The following TAFA2 variants were observed in gnomAD, a reference collection of about 807,000 sequenced individuals.
TAFA2 encodes the protein TAFA chemokine like family member 2.
TAFA2 carries 7 observed loss-of-function variants against 18.8 expected under a neutral mutation model. The observed-to-expected ratio is 0.37, with a 90% CI of 0.21 to 0.70. The LOEUF (loss-of-function observed/expected upper bound fraction) is 0.70. Among genes scored for constraint, TAFA2 ranks in the 30% least tolerant of loss-of-function variants. The probability of loss-of-function intolerance (pLI) is 0.53; values close to 1 mark genes in which losing one functional copy is unlikely to be tolerated. For synonymous variants in TAFA2, 60 were observed against 54.2 expected (o/e 1.11, Z -0.47); for missense variants, 122 against 158.1 (o/e 0.77, Z 1.23).
intron 4 of TAFA2, among the ~76,000 whole-genome samples, chr12:61,749,272 C>CA (rs1042280439): frequency 1.3e-5 from 2 of 151,690 alleles, no homozygotes; most frequent in African/African-American, 2.4e-5. Context: ...GACTTTGTCT[C>CA]AAAAAAAGGA....
intron 1 of TAFA2, among the ~76,000 whole-genome samples, chr12:61,902,737 T>C (rs1876161925): frequency 1.3e-5 from 2 of 152,192 alleles, no homozygotes; most frequent in Non-Finnish European, 2.9e-5. Context: ...ATCCTATCTG[T>C]GCCAAACCTG....
intron 2 of TAFA2, among the ~76,000 whole-genome samples, chr12:61,849,671 C>T (rs1468287821): frequency 5.9e-5 from 9 of 152,084 alleles, no homozygotes; most frequent in East Asian, 1.9e-4. Flanking sequence ...TCAAACAGTA[C>T]GTTTTAGTGA....
At chr12:61,879,599 G>A (rs1322280867) in intron 1 of TAFA2, 2 of 773,186 alleles carry the variant, frequency 2.6e-6, no homozygotes, top group Non-Finnish European at 2.3e-6. Flanking sequence ...CCCAGGAGAA[G>A]GAGCAGATCA....
At chr12:62,216,195 C>A (rs935866126) in intron 1 of TAFA2, among the ~76,000 whole-genome samples, 1 of 152,116 alleles carries the variant, frequency 6.6e-6, no homozygotes, top group Non-Finnish European at 1.5e-5. Context: ...AATTGCGGGT[C>A]CACACACCTA....
At chr12:61,746,433 C>A (rs1158397369) in intron 4 of TAFA2, among the ~76,000 whole-genome samples, 1 of 152,066 alleles carries the variant, frequency 6.6e-6, no homozygotes, top group Admixed American at 6.6e-5. Context: ...GAAACAGTCA[C>A]CTCAGTCCTA....
intron 1 of TAFA2, among the ~76,000 whole-genome samples, chr12:61,939,620 C>T (rs1261621744): frequency 6.6e-6 from 1 of 152,122 alleles, no homozygotes; most frequent in African/African-American, 2.4e-5. Context: ...TCTCTGTCTA[C>T]TTCATATGCT....
intron 1 of TAFA2, among the ~76,000 whole-genome samples, chr12:61,919,929 A>C (rs1393913542): frequency 6.6e-6 from 1 of 152,138 alleles, no homozygotes; most frequent in East Asian, 1.9e-4. Context: ...TCGTCAGTAT[A>C]ATATCTTAAA....
intron 1 of TAFA2, among the ~76,000 whole-genome samples, chr12:61,964,566 C>T (rs1029264621): frequency 6.6e-6 from 1 of 151,788 alleles, no homozygotes; most frequent in Non-Finnish European, 1.5e-5. Context: ...CTGCCCCAGG[C>T]TCCCTCGATA....
At chr12:62,250,792 ACTTCCC>A (rs2062909499) in intron 1 of TAFA2, among the ~76,000 whole-genome samples, 2 of 152,162 alleles carry the variant, frequency 1.3e-5, no homozygotes, top group African/African-American at 2.4e-5. Flanking sequence ...GAAGGAATGT[ACTTCCC>A]TGATATTAAT....
intron 1 of TAFA2, among the ~76,000 whole-genome samples, chr12:61,952,119 T>C (rs1293776459): frequency 2.0e-5 from 3 of 152,102 alleles, no homozygotes; most frequent in African/African-American, 2.4e-5. Flanking sequence ...TGCACACATA[T>C]ATAGTCCCAG....
At chr12:62,143,506 C>T (rs1406916676) in intron 1 of TAFA2, among the ~76,000 whole-genome samples, 1 of 152,150 alleles carries the variant, frequency 6.6e-6, no homozygotes, top group Non-Finnish European at 1.5e-5. Flanking sequence ...TTTGTTTCAT[C>T]TATAAAACCT....
At chr12:61,806,023 A>G (rs73324077) in intron 2 of TAFA2, among the ~76,000 whole-genome samples, 4,032 of 152,320 alleles carry the variant, frequency 0.026, 177 homozygotes, top group African/African-American at 0.091. Context: ...AAGATTTGTT[A>G]CTTGAGTGTG....
At chr12:62,006,405 T>C (rs192142118) in intron 1 of TAFA2, among the ~76,000 whole-genome samples, 129 of 152,220 alleles carry the variant, frequency 8.5e-4, no homozygotes, top group Non-Finnish European at 1.4e-3. Flanking sequence ...TATCTAAAGA[T>C]CCGAAATAGA....
chr12:62,181,996 C>T (rs1043177244), intron 1 of TAFA2, among the ~76,000 whole-genome samples: 1 of 148,666 alleles, frequency 6.7e-6, no homozygotes, highest in East Asian at 2.1e-4. Flanking sequence ...TCCATCCCCC[C>T]CCCGCTACAC....
chr12:61,793,829 G>T (rs1156545036), intron 2 of TAFA2, among the ~76,000 whole-genome samples: 1 of 151,788 alleles, frequency 6.6e-6, no homozygotes, highest in African/African-American at 2.4e-5. Context: ...AAACATAGAT[G>T]CAAGAAGTTT....
chr12:62,088,146 T>G (rs1353627440), intron 1 of TAFA2, among the ~76,000 whole-genome samples: 6 of 152,046 alleles, frequency 3.9e-5, no homozygotes, highest in Non-Finnish European at 8.8e-5. Flanking sequence ...GTAGTATTGA[T>G]GTTTCAAAGA....
chr12:62,251,611 A>T (rs1429201670), intron 1 of TAFA2, among the ~76,000 whole-genome samples: 1 of 152,238 alleles, frequency 6.6e-6, no homozygotes, highest in East Asian at 1.9e-4. Context: ...TGTGGAAGAA[A>T]GGAAGCAAAC....
chr12:62,251,685 T>C (rs532369278), intron 1 of TAFA2, among the ~76,000 whole-genome samples: 1 of 152,304 alleles, frequency 6.6e-6, no homozygotes, highest in Non-Finnish European at 1.5e-5. Context: ...ACCAACCCAC[T>C]GAAGCTAGAT....
At chr12:61,948,991 C>G (rs1051901947) in intron 1 of TAFA2, among the ~76,000 whole-genome samples, 1 of 152,140 alleles carries the variant, frequency 6.6e-6, no homozygotes, top group East Asian at 1.9e-4. Flanking sequence ...TTGCTTAGCA[C>G]TTGTGATGGT....
Sources: gnomAD v4.1 joint callset for allele counts (sites outside exome capture counted in the v4.1 genomes callset) on GRCh38, gnomAD v4.1.1 for gene constraint, MANE v1.5 for transcripts, NCBI Gene and HGNC (gene_info 2026-07-23, HGNC 2026-07-21) for gene names.